The following CRY1 variants were observed in gnomAD, a reference collection of about 807,000 sequenced individuals.
CRY1 encodes cryptochrome-1.
Under a neutral mutation model 76.0 loss-of-function variants are expected in CRY1, and 45 were observed. That is an observed-to-expected ratio of 0.59 (90% CI 0.47 to 0.76). CRY1 has a LOEUF of 0.76. Ranked by LOEUF, CRY1 falls within the 30% of genes least tolerant of loss-of-function variation. The pLI, the probability that CRY1 is intolerant of heterozygous loss-of-function variation, is 0.00. For missense variants in CRY1, 587 were observed against 716.4 expected (o/e 0.82, Z 2.06); for synonymous variants, 248 against 244.0 (o/e 1.02, Z -0.15).
At chr12:107,041,704 C>T (rs991551577) in intron 1 of CRY1, among the ~76,000 whole-genome samples, 7 of 133,836 alleles carry the variant, frequency 5.2e-5, no homozygotes, top group Non-Finnish European at 9.2e-5. Context: ...AATGGAGGAG[C>T]TATATATGCT....
intron 1 of CRY1, among the ~76,000 whole-genome samples, chr12:107,091,674 T>C (rs1297166893): frequency 6.6e-6 from 1 of 152,234 alleles, no homozygotes; most frequent in Non-Finnish European, 1.5e-5. Flanking sequence ...CTCTTCAATC[T>C]GGCCCTAAGT....
chr12:107,043,719 G>A (rs1415214335), intron 1 of CRY1, among the ~76,000 whole-genome samples: 2 of 152,176 alleles, frequency 1.3e-5, no homozygotes, highest in African/African-American at 4.8e-5. Flanking sequence ...CCTGTTCCTC[G>A]CAGGGTCCAA....
chr12:107,060,405 A>G (rs1953032075), intron 1 of CRY1, among the ~76,000 whole-genome samples: 1 of 152,090 alleles, frequency 6.6e-6, no homozygotes. Context: ...CCATGGGATG[A>G]TGGGGCAAGA....
intron 1 of CRY1, among the ~76,000 whole-genome samples, chr12:107,032,368 A>G (rs1403165590): frequency 1.3e-5 from 2 of 152,250 alleles, no homozygotes; most frequent in Non-Finnish European, 2.9e-5. Context: ...AAATTATTCA[A>G]AAAAATTTTA....
chr12:107,044,605 TACAG>T (rs1418554257), intron 1 of CRY1, among the ~76,000 whole-genome samples: 2 of 152,102 alleles, frequency 1.3e-5, no homozygotes, highest in Non-Finnish European at 2.9e-5. Flanking sequence ...CAGGGACCAA[TACAG>T]ACAGACTATT....
chr12:107,032,292 C>T (rs1952685992), intron 1 of CRY1, among the ~76,000 whole-genome samples: 2 of 152,158 alleles, frequency 1.3e-5, no homozygotes, highest in South Asian at 2.1e-4. Flanking sequence ...GTTAATATTA[C>T]AGGAAACAGG....
At chr12:107,051,284 A>C (rs910289604) in intron 1 of CRY1, among the ~76,000 whole-genome samples, 1 of 152,196 alleles carries the variant, frequency 6.6e-6, no homozygotes, top group Non-Finnish European at 1.5e-5. Flanking sequence ...TATCTTATTT[A>C]GGTAAAAAGT....
chr12:107,025,612 C>A (rs1388487490), intron 1 of CRY1, among the ~76,000 whole-genome samples: 1 of 152,112 alleles, frequency 6.6e-6, no homozygotes, highest in Admixed American at 6.6e-5. Flanking sequence ...CTTTCCACTT[C>A]TGTTTTTGCT....
intron 2 of CRY1, among the ~76,000 whole-genome samples, chr12:107,016,399 T>C (rs1952498892): frequency 6.6e-6 from 1 of 152,182 alleles, no homozygotes; most frequent in Non-Finnish European, 1.5e-5. Flanking sequence ...ATAATTAATA[T>C]ACTGTGAAAA....
chr12:107,084,560 A>T (rs1279586201), intron 1 of CRY1, among the ~76,000 whole-genome samples: 2 of 151,954 alleles, frequency 1.3e-5, no homozygotes, highest in African/African-American at 2.4e-5. Flanking sequence ...TGACAAAAAC[A>T]AGAAATGGGG....
chr12:107,001,217 A>C lies in CRY1; in HGVS notation c.684+63T>G, dbSNP rs1952305627. 6.4e-6 allele frequency: 8 copies of C among 1,248,914 alleles called. No homozygotes were observed. The South Asian group carries it at 9.2e-5, about 14-fold the overall frequency. 77.4% of individuals were successfully genotyped at this position (1,248,914 alleles called of 1,614,324 possible). On this transcript the variant is annotated intron_variant, in intron 5 of 12. Coordinates refer to ENST00000008527, the MANE Select transcript of CRY1 (RefSeq NM_004075.5). ...TATTTGTTATTTTTAAAAGAGAGAAAAATTATTTTTTAAATGGCAGTTTGG... is the reference window on the plus strand; with the variant it reads ...TATTTGTTATTTTTAAAAGAGAGAACAATTATTTTTTAAATGGCAGTTTGG...
At chr12:107,034,345 T>C (rs562385953) in intron 1 of CRY1, among the ~76,000 whole-genome samples, 2 of 152,226 alleles carry the variant, frequency 1.3e-5, no homozygotes, top group South Asian at 2.1e-4. Context: ...CCCACCACTT[T>C]TCCGGAAAAC....
intron 1 of CRY1, among the ~76,000 whole-genome samples, chr12:107,030,443 T>A (rs1053039245): frequency 6.6e-6 from 1 of 152,180 alleles, no homozygotes; most frequent in African/African-American, 2.4e-5. Context: ...TGTAATAATC[T>A]AAGATGTTTT....
At chr12:107,012,868 G>C (rs1952460522) in intron 2 of CRY1, among the ~76,000 whole-genome samples, 1 of 152,176 alleles carries the variant, frequency 6.6e-6, no homozygotes, top group African/African-American at 2.4e-5. Context: ...CTACAAATGT[G>C]GTAGAAATAG....
intron 1 of CRY1, among the ~76,000 whole-genome samples, chr12:107,084,637 G>T (rs1953373425): frequency 6.6e-6 from 1 of 151,966 alleles, no homozygotes; most frequent in South Asian, 2.1e-4. Flanking sequence ...AACTGAAACT[G>T]GACCCCTTCC....
In CRY1 at chr12:106,999,895, AT is replaced by A. The variant is rs34460737; in HGVS notation, c.826-34del. The A allele has an allele frequency of 1.3e-3, 2,094 of 1,587,686 alleles. 29 individuals carry two copies. In the African/African-American group the frequency reaches 0.025, roughly 19 times the overall value. ...TAAAAAGCAAAGAAGTATTATCAGA[AT>A]TTTTTTTTAAAGTATTAAACAATAA... is the stretch of plus-strand genomic sequence containing the variant. On this transcript the variant is annotated intron_variant, in intron 6 of 12. Coordinates refer to ENST00000008527, the MANE Select transcript of CRY1 (RefSeq NM_004075.5).
intron 10 of CRY1, among the ~76,000 whole-genome samples, chr12:106,993,976 C>T (rs1377840352): frequency 6.6e-6 from 1 of 151,938 alleles, no homozygotes; most frequent in Non-Finnish European, 1.5e-5. Flanking sequence ...TGCACACACA[C>T]ACAAATACAA....
At chr12:107,087,368 A>C (rs1335689040) in intron 1 of CRY1, among the ~76,000 whole-genome samples, 3 of 150,580 alleles carry the variant, frequency 2.0e-5, no homozygotes, top group East Asian at 2.0e-4. Flanking sequence ...TCCATGAAAG[A>C]AGCCATGTGG....
At chr12:107,088,164 G>A (rs1953426323) in intron 1 of CRY1, among the ~76,000 whole-genome samples, 1 of 152,208 alleles carries the variant, frequency 6.6e-6, no homozygotes, top group South Asian at 2.1e-4. Flanking sequence ...AATGTTGGAG[G>A]TGAGAGGTGT....
Sources: allele counts gnomAD v4.1 joint callset (sites outside exome capture counted in the v4.1 genomes callset), GRCh38; gene constraint gnomAD v4.1.1; transcripts MANE v1.5; gene names NCBI Gene and HGNC (gene_info 2026-07-23, HGNC 2026-07-21).